SORBS2: variants seen among roughly 807,000 people sequenced by gnomAD.
The protein encoded by SORBS2 is sorbin and SH3 domain-containing protein 2.
In SORBS2, 46 loss-of-function variants were observed where a neutral mutation model predicts 97.7. The ratio of observed to expected loss-of-function variants is 0.47; its 90% CI spans 0.37 to 0.60. The LOEUF is 0.60. SORBS2 is among the 20% of genes least tolerant of loss of function. The pLI is 0.00. For missense variants in SORBS2, 1,316 were observed against 1,282.3 expected (o/e 1.03, Z -0.40); for synonymous variants, 476 against 473.4 (o/e 1.01, Z -0.07).
upstream of SORBS2, among the ~76,000 whole-genome samples, chr4:185,658,536 A>G (rs1277926182): frequency 6.6e-6 from 1 of 152,082 alleles, no homozygotes; most frequent in Non-Finnish European, 1.5e-5. Flanking sequence ...TCTTTATATC[A>G]TGGTTTGTCA....
intron 2 of SORBS2, among the ~76,000 whole-genome samples, chr4:185,748,538 A>T (rs987371114): frequency 2.8e-4 from 42 of 152,292 alleles, no homozygotes; most frequent in African/African-American, 9.9e-4. Context: ...CCTCCACAGG[A>T]TGCCAGCTTA....
intron 1 of SORBS2, among the ~76,000 whole-genome samples, chr4:185,800,591 C>A (rs2099125562): frequency 6.6e-6 from 1 of 152,130 alleles, no homozygotes; most frequent in African/African-American, 2.4e-5. Flanking sequence ...GCTTCCCTTG[C>A]AGCTTTCTTC....
intron 2 of SORBS2, chr4:185,774,130 C>T (rs1406643978): frequency 2.0e-5 from 3 of 152,068 alleles, no homozygotes; most frequent in East Asian, 3.8e-4. Context: ...TTTCAGCATC[C>T]ATGTTTTTAA....
intron 1 of SORBS2, among the ~76,000 whole-genome samples, chr4:185,815,601 T>C (rs2099192805): frequency 6.6e-6 from 1 of 152,102 alleles, no homozygotes; most frequent in Non-Finnish European, 1.5e-5. Flanking sequence ...TATATTATCA[T>C]CAAAGAATAC....
intron 1 of SORBS2, among the ~76,000 whole-genome samples, chr4:185,884,602 C>G (rs1467483142): frequency 1.3e-5 from 2 of 152,192 alleles, no homozygotes; most frequent in East Asian, 1.9e-4. Flanking sequence ...TTTCCATCAA[C>G]TTGGCCTTTC....
At chr4:185,805,506 C>T (rs1205706394) in intron 1 of SORBS2, among the ~76,000 whole-genome samples, 2 of 152,154 alleles carry the variant, frequency 1.3e-5, no homozygotes, top group Non-Finnish European at 1.5e-5. Flanking sequence ...CATTCTAAAG[C>T]GAGTCAAGTT....
intron 1 of SORBS2, among the ~76,000 whole-genome samples, chr4:185,820,745 C>A (rs1407962731): frequency 6.6e-6 from 1 of 152,252 alleles, no homozygotes; most frequent in Non-Finnish European, 1.5e-5. Flanking sequence ...GGACTTCACA[C>A]GCTGCACATT....
At chr4:185,737,203 C>T (rs1462802848) in intron 2 of SORBS2, among the ~76,000 whole-genome samples, 1 of 152,182 alleles carries the variant, frequency 6.6e-6, no homozygotes, top group Non-Finnish European at 1.5e-5. Flanking sequence ...AGAGGTTAAT[C>T]TTGCTTAGAA....
rs112680775 is a variant in SORBS2, at chr4:185,868,159, CT to C, written c.-338+88036del. Among the ~76,000 whole-genome samples the C allele has an allele frequency of 4.2e-3, 444 of 105,204 alleles. 11 individuals carry two copies. The highest frequency in any genetic ancestry group is 0.014 in the African/African-American group (359 of 25,614). 69.0% of individuals were successfully genotyped at this position (105,204 alleles called of 152,430 possible). Reference sequence around the variant, plus strand: ...TCTCTTTTCTTTTCTTTTTTTCTTTCTTTTTTTTTTTTTTTGAGGCAGAGTC... The same window carrying C: ...TCTCTTTTCTTTTCTTTTTTTCTTTCTTTTTTTTTTTTTTGAGGCAGAGTC... On this transcript the variant is annotated intron_variant, in intron 1 of 20. Transcript: ENST00000284776.
At chr4:185,805,180 A>G (rs1369105382) in intron 1 of SORBS2, among the ~76,000 whole-genome samples, 1 of 152,092 alleles carries the variant, frequency 6.6e-6, no homozygotes, top group Non-Finnish European at 1.5e-5. Flanking sequence ...TTCTGGTAAT[A>G]TTTCTGTCTT....
intron 1 of SORBS2, among the ~76,000 whole-genome samples, chr4:185,785,869 T>G (rs2099054054): frequency 6.6e-6 from 1 of 152,218 alleles, no homozygotes; most frequent in Admixed American, 6.5e-5. Context: ...AGCCTCATTT[T>G]CCTCATCTGA....
At chr4:185,950,793 C>T (rs2099276855) in intron 1 of SORBS2, among the ~76,000 whole-genome samples, 1 of 152,212 alleles carries the variant, frequency 6.6e-6, no homozygotes, top group Non-Finnish European at 1.5e-5. Flanking sequence ...TTGGAAATCG[C>T]ACTATGGCCT....
chr4:185,758,018 T>C (rs1372096917), intron 2 of SORBS2, among the ~76,000 whole-genome samples: 1 of 152,188 alleles, frequency 6.6e-6, no homozygotes, highest in Non-Finnish European at 1.5e-5. Context: ...AGATTACAGG[T>C]GCATATATTT....
chr4:185,805,734 C>G (rs558864073), intron 1 of SORBS2, among the ~76,000 whole-genome samples: 1 of 152,238 alleles, frequency 6.6e-6, no homozygotes, highest in South Asian at 2.1e-4. Context: ...AATTTTGAAA[C>G]CTAGATTTTG....
intron 1 of SORBS2, chr4:185,933,520 C>G (rs72709776): frequency 6.6e-6 from 1 of 152,160 alleles, no homozygotes; most frequent in Non-Finnish European, 1.5e-5. Context: ...TGAGGCTGTG[C>G]GGGAGAGTCT....
chr4:185,945,927 G>A (rs1378475121), intron 1 of SORBS2, among the ~76,000 whole-genome samples: 2 of 152,198 alleles, frequency 1.3e-5, no homozygotes, highest in Non-Finnish European at 2.9e-5. Context: ...AGAACCATGT[G>A]TTTGGCAGCT....
At chr4:185,609,454 G>A (rs1561384487) in intron 12 of SORBS2, among the ~76,000 whole-genome samples, 1 of 152,128 alleles carries the variant, frequency 6.6e-6, no homozygotes, top group Non-Finnish European at 1.5e-5. Flanking sequence ...ACGCTGTGCC[G>A]TCACCACCAC....
chr4:185,917,976 A>G lies in SORBS2; in HGVS notation c.-338+38220T>C, dbSNP rs567371880. The stretch of plus-strand genomic sequence containing the variant: ...CTTCCATGTATTATGAATATGGCAG[A>G]CAAAATAAAATTCTTAGTTTCATAA... On this transcript the variant is annotated intron_variant, in intron 1 of 20. Transcript: ENST00000284776. Among the ~76,000 whole-genome samples, 12 of 152,346 alleles carry G rather than the reference A, an allele frequency of 7.9e-5. No individual in the cohort carries two copies. In the East Asian group the frequency reaches 2.3e-3, roughly 29 times the overall value.
At chr4:185,850,805 GA>G (rs2099217427) in intron 1 of SORBS2, among the ~76,000 whole-genome samples, 1 of 152,192 alleles carries the variant, frequency 6.6e-6, no homozygotes, top group African/African-American at 2.4e-5. Flanking sequence ...TTCTGGAAGA[GA>G]TGAGCATTTG....
Sources: allele counts gnomAD v4.1 joint callset (sites outside exome capture counted in the v4.1 genomes callset), GRCh38; gene constraint gnomAD v4.1.1; transcripts MANE v1.5; gene names NCBI Gene and HGNC (gene_info 2026-07-23, HGNC 2026-07-21).